CLSTN2: variants seen among roughly 807,000 people sequenced by gnomAD.
CLSTN2 encodes the protein calsyntenin 2, also known as calsyntenin-2.
A neutral mutation model predicts 101.2 loss-of-function variants in CLSTN2; 48 were observed. That is an observed-to-expected ratio of 0.47 (90% CI 0.38 to 0.60). The LOEUF is 0.60. Among genes scored for constraint, CLSTN2 ranks in the 20% least tolerant of loss-of-function variants. The probability of loss-of-function intolerance (pLI) is 0.00; values close to 1 mark genes in which losing one functional copy is unlikely to be tolerated. For synonymous variants in CLSTN2, 481 were observed against 463.6 expected, an observed-to-expected ratio of 1.04 and a Z score of -0.48; for missense variants, 1,160 against 1,238.2, an observed-to-expected ratio of 0.94 and a Z score of 0.95.
At chr3:140,498,415 C>A (rs1934510329) in intron 8 of CLSTN2, among the ~76,000 whole-genome samples, 1 of 152,146 alleles carries the variant, frequency 6.6e-6, no homozygotes, top group Non-Finnish European at 1.5e-5. Context: ...GCTGGGTGAA[C>A]CACACAGAGT....
At chr3:140,547,842 C>T (rs573402300) in intron 10 of CLSTN2, among the ~76,000 whole-genome samples, 46 of 152,346 alleles carry the variant, frequency 3.0e-4, no homozygotes, top group Admixed American at 2.3e-3. Flanking sequence ...CCTCGGCCTC[C>T]TCTGGAAGTT....
At chr3:139,967,140 C>T (rs985932499) in intron 1 of CLSTN2, among the ~76,000 whole-genome samples, 4 of 152,160 alleles carry the variant, frequency 2.6e-5, no homozygotes, top group Non-Finnish European at 5.9e-5. Flanking sequence ...TGCCCCTGTC[C>T]ATGGCAGAAG....
At position 140,493,987 on chromosome 3, in the gene CLSTN2, A is replaced by C. The variant is rs539531483; in HGVS notation, c.1344+27256A>C. On this transcript the variant is annotated intron_variant, in intron 8 of 16. Transcript: ENST00000458420. Reference sequence around the variant, plus strand: ...GAGGACAGAGCTGTCCACATCACAGAATGTCTTTTTTTGAAAACCCACAGA... The same window carrying C: ...GAGGACAGAGCTGTCCACATCACAGCATGTCTTTTTTTGAAAACCCACAGA... Among the ~76,000 whole-genome samples the C allele has an allele frequency of 1.2e-4, 19 of 152,334 alleles. 1 individual carries two copies. In the South Asian group the frequency reaches 3.7e-3, roughly 30 times the overall value.
chr3:140,238,458 G>T (rs1355410780), intron 2 of CLSTN2, among the ~76,000 whole-genome samples: 1 of 152,026 alleles, frequency 6.6e-6, no homozygotes, highest in Non-Finnish European at 1.5e-5. Flanking sequence ...AACCATTCTT[G>T]ATTTATTTTA....
chr3:140,367,604 T>TACTTCTAG (rs1456325701), intron 2 of CLSTN2, among the ~76,000 whole-genome samples: 1 of 152,160 alleles, frequency 6.6e-6, no homozygotes, highest in African/African-American at 2.4e-5. Flanking sequence ...GAAGCTATTT[T>TACTTCTAG]ACTTCTAGCA....
chr3:140,102,036 G>T (rs1199412004), intron 1 of CLSTN2, among the ~76,000 whole-genome samples: 2 of 152,158 alleles, frequency 1.3e-5, no homozygotes, highest in African/African-American at 2.4e-5. Context: ...CTTCTCTGAG[G>T]ATTTCTTAGT....
At chr3:140,179,615 T>A (rs2010375731) in intron 2 of CLSTN2, among the ~76,000 whole-genome samples, 1 of 82,424 alleles carries the variant, frequency 1.2e-5, no homozygotes, top group Non-Finnish European at 2.0e-5. Context: ...AGCAAGACCC[T>A]ATCTCAAAAA....
chr3:140,479,415 T>C (rs763570049), intron 8 of CLSTN2, among the ~76,000 whole-genome samples: 4 of 152,216 alleles, frequency 2.6e-5, no homozygotes, highest in Non-Finnish European at 5.9e-5. Context: ...GTTTCTACTA[T>C]GTATTATCCA....
At chr3:140,255,010 C>G (rs1387731614) in intron 2 of CLSTN2, among the ~76,000 whole-genome samples, 1 of 152,086 alleles carries the variant, frequency 6.6e-6, no homozygotes, top group Non-Finnish European at 1.5e-5. Flanking sequence ...AGACACTTCT[C>G]AAAAGAAGAC....
At chr3:140,052,872 C>A (rs950699619) in intron 1 of CLSTN2, among the ~76,000 whole-genome samples, 3 of 152,230 alleles carry the variant, frequency 2.0e-5, no homozygotes, top group African/African-American at 7.2e-5. Context: ...CCTTCTCTGG[C>A]AGCCCCACAT....
chr3:140,124,077 T>C (rs2009390939), intron 1 of CLSTN2, among the ~76,000 whole-genome samples: 1 of 151,956 alleles, frequency 6.6e-6, no homozygotes, highest in Non-Finnish European at 1.5e-5. Flanking sequence ...GAGGTGGTGA[T>C]AAGTGCTAAA....
At chr3:140,421,005 G>A (rs1244967577) in intron 4 of CLSTN2, 120 bp from the exon 5 acceptor site, 24 of 1,042,554 alleles carry the variant, frequency 2.3e-5, no homozygotes, top group Non-Finnish European at 3.3e-5. Context: ...TTTTTACAAA[G>A]AGATAAGGAA....
At chr3:140,037,966 T>C (rs1168057449) in intron 1 of CLSTN2, among the ~76,000 whole-genome samples, 7 of 152,228 alleles carry the variant, frequency 4.6e-5, no homozygotes, top group Non-Finnish European at 1.0e-4. Context: ...TTTGGGTTGA[T>C]TCCATGTCTT....
At chr3:140,429,728 C>G (rs1373981261) in intron 5 of CLSTN2, among the ~76,000 whole-genome samples, 1 of 152,148 alleles carries the variant, frequency 6.6e-6, no homozygotes, top group African/African-American at 2.4e-5. Flanking sequence ...TTTCTGAGTG[C>G]ACTTTCAAGT....
chr3:139,975,482 GT>G (rs757372561), intron 1 of CLSTN2, among the ~76,000 whole-genome samples: 14 of 152,284 alleles, frequency 9.2e-5, no homozygotes, highest in South Asian at 6.2e-4. Context: ...AATTGCAAAT[GT>G]GACATAGGAT....
chr3:139,977,455 G>T (rs555728966), intron 1 of CLSTN2, among the ~76,000 whole-genome samples: 1 of 152,212 alleles, frequency 6.6e-6, no homozygotes, highest in Non-Finnish European at 1.5e-5. Flanking sequence ...TGTTCTTCCA[G>T]AAACCTAGAT....
At chr3:140,176,523 GGT>G (rs1212980880) in intron 2 of CLSTN2, among the ~76,000 whole-genome samples, 1 of 152,232 alleles carries the variant, frequency 6.6e-6, no homozygotes, top group African/African-American at 2.4e-5. Context: ...AGTGGCACAG[GGT>G]CTTGTCCTTG....
intron 2 of CLSTN2, among the ~76,000 whole-genome samples, chr3:140,284,342 G>A (rs1044213101): frequency 6.6e-6 from 1 of 152,100 alleles, no homozygotes; most frequent in African/African-American, 2.4e-5. Context: ...AAATTGAACT[G>A]AATTGAAAAG....
At chr3:140,415,472 A>G (rs1346861599) in intron 4 of CLSTN2, among the ~76,000 whole-genome samples, 1 of 145,056 alleles carries the variant, frequency 6.9e-6, no homozygotes, top group Admixed American at 7.0e-5. Flanking sequence ...AGGAACTCAT[A>G]TAACACAAAA....
Sources: gnomAD v4.1 joint callset for allele counts (sites outside exome capture counted in the v4.1 genomes callset) on GRCh38, gnomAD v4.1.1 for gene constraint, MANE v1.5 for transcripts, NCBI Gene and HGNC (gene_info 2026-07-23, HGNC 2026-07-21) for gene names.